GABRB2: variants seen among roughly 807,000 people sequenced by gnomAD.
GABRB2 encodes the protein gamma-aminobutyric acid type A receptor subunit beta2, also known as gamma-aminobutyric acid receptor subunit beta-2.
Under a neutral mutation model 54.7 loss-of-function variants are expected in GABRB2, and 16 were observed. That is an observed-to-expected ratio of 0.29 (90% CI 0.20 to 0.44). GABRB2 has a LOEUF of 0.44. Ranked by LOEUF, GABRB2 falls within the 20% of genes least tolerant of loss-of-function variation. The pLI is 1.00. For missense variants in GABRB2, 355 were observed against 644.0 expected, an observed-to-expected ratio of 0.55 and a Z score of 4.86; for synonymous variants, 244 against 233.8, an observed-to-expected ratio of 1.04 and a Z score of -0.40.
intron 9 of GABRB2, among the ~76,000 whole-genome samples, chr5:161,307,454 G>A (rs1757722306): frequency 6.6e-6 from 1 of 152,178 alleles, no homozygotes; most frequent in Admixed American, 6.6e-5. Flanking sequence ...TTCCAGTGTA[G>A]ATAAGACCAT....
At chr5:161,477,105 T>TA (rs1561664283) in intron 3 of GABRB2, among the ~76,000 whole-genome samples, 2 of 151,776 alleles carry the variant, frequency 1.3e-5, no homozygotes, top group Non-Finnish European at 2.9e-5. Context: ...ACAACGTGAT[T>TA]AAAAAATTGG....
At chr5:161,468,768 T>C (rs1758352227) in intron 3 of GABRB2, among the ~76,000 whole-genome samples, 1 of 151,792 alleles carries the variant, frequency 6.6e-6, no homozygotes, top group Non-Finnish European at 1.5e-5. Flanking sequence ...TATTAAAAGA[T>C]ATGAAAGCAT....
intron 3 of GABRB2, among the ~76,000 whole-genome samples, chr5:161,485,912 T>C (rs1166656594): frequency 6.6e-6 from 1 of 151,860 alleles, no homozygotes; most frequent in African/African-American, 2.4e-5. Context: ...AGCACCTGCC[T>C]GGGAATGAAG....
intron 5 of GABRB2, among the ~76,000 whole-genome samples, chr5:161,400,632 C>T (rs1756156710): frequency 6.6e-6 from 1 of 152,124 alleles, no homozygotes; most frequent in South Asian, 2.1e-4. Flanking sequence ...ATCAAACTCT[C>T]AGTGTCCTGA....
chr5:161,308,296 C>T (rs1757761133), intron 9 of GABRB2, among the ~76,000 whole-genome samples: 1 of 152,152 alleles, frequency 6.6e-6, no homozygotes, highest in Non-Finnish European at 1.5e-5. Flanking sequence ...AGTCTTGGTA[C>T]CTCCCCTCCC....
At chr5:161,520,369 G>C (rs563688409) in intron 3 of GABRB2, among the ~76,000 whole-genome samples, 1 of 152,040 alleles carries the variant, frequency 6.6e-6, no homozygotes, top group East Asian at 1.9e-4. Flanking sequence ...AATGTTTTTT[G>C]CTTTGCTAAT....
intron 3 of GABRB2, among the ~76,000 whole-genome samples, chr5:161,519,023 G>A (rs1407328441): frequency 6.6e-6 from 1 of 152,174 alleles, no homozygotes. Context: ...AGAACAGTAA[G>A]TAGCTTCAGG....
chr5:161,371,171 T>C (rs1232454184), intron 5 of GABRB2, among the ~76,000 whole-genome samples: 4 of 152,144 alleles, frequency 2.6e-5, no homozygotes, highest in Non-Finnish European at 5.9e-5. Flanking sequence ...TACAAGGCTG[T>C]TATTACAAGA....
intron 5 of GABRB2, among the ~76,000 whole-genome samples, chr5:161,343,483 T>C (rs1380304452): frequency 6.6e-6 from 1 of 152,064 alleles, no homozygotes; most frequent in Non-Finnish European, 1.5e-5. Flanking sequence ...ACCATATATC[T>C]ATTAAAATTC....
chr5:161,535,894 A>T (rs1376241821), intron 3 of GABRB2, among the ~76,000 whole-genome samples: 2 of 152,040 alleles, frequency 1.3e-5, no homozygotes, highest in African/African-American at 4.8e-5. Flanking sequence ...TCTGAGGAGT[A>T]AGTTCTCATT....
intron 3 of GABRB2, among the ~76,000 whole-genome samples, chr5:161,502,360 A>G (rs755842930): frequency 2.0e-5 from 3 of 152,178 alleles, no homozygotes; most frequent in Non-Finnish European, 2.9e-5. Context: ...ATTTATTAGA[A>G]TAGATACAAA....
chr5:161,441,374 C>A (rs1757461433), intron 4 of GABRB2, among the ~76,000 whole-genome samples: 2 of 152,132 alleles, frequency 1.3e-5, no homozygotes, highest in Non-Finnish European at 2.9e-5. Context: ...CTCAGATCAT[C>A]AGAGAAATGC....
In GABRB2 at chr5:161,499,637, A is replaced by G. The variant is rs1280048738; in HGVS notation, c.238-39793T>C. On this transcript the variant is annotated intron_variant, in intron 3 of 9. Transcript: ENST00000393959. ...ACCAACTAAACAAAACTAAAATACAACAAAAATAATTGTTCTTCTAATATA... is the reference window on the plus strand; with the variant it reads ...ACCAACTAAACAAAACTAAAATACAGCAAAAATAATTGTTCTTCTAATATA... Among the ~76,000 whole-genome samples the G allele has an allele frequency of 2.6e-5, 4 of 152,338 alleles. No homozygotes were observed. In the South Asian group the frequency reaches 6.2e-4, roughly 24 times the overall value.
At chr5:161,469,224 A>G (rs1472897213) in intron 3 of GABRB2, among the ~76,000 whole-genome samples, 2 of 151,944 alleles carry the variant, frequency 1.3e-5, no homozygotes, top group African/African-American at 2.4e-5. Context: ...GTTGAGTTAA[A>G]TTATAAAACT....
intron 5 of GABRB2, among the ~76,000 whole-genome samples, chr5:161,387,247 T>G (rs919953997): frequency 6.6e-6 from 1 of 152,060 alleles, no homozygotes; most frequent in Non-Finnish European, 1.5e-5. Context: ...TTCCTAACAA[T>G]GTAAGTTAAA....
intron 4 of GABRB2, among the ~76,000 whole-genome samples, chr5:161,455,135 T>G (rs2113249053): frequency 6.6e-6 from 1 of 152,336 alleles, no homozygotes; most frequent in South Asian, 2.1e-4. Flanking sequence ...CATGCTTAAA[T>G]TTCTTGCTAA....
chr5:161,538,952 G>A (rs941715995), intron 3 of GABRB2, among the ~76,000 whole-genome samples: 3 of 152,338 alleles, frequency 2.0e-5, no homozygotes, highest in Admixed American at 2.0e-4. Flanking sequence ...AAATAAGTTT[G>A]TTGAATGAAA....
Position 161,449,821 on chromosome 5 carries a change from C to A in GABRB2, c.458+9803G>T, listed in dbSNP as rs544834864. The stretch of plus-strand genomic sequence containing the variant: ...ACACAATAGCAACAATTTTAAACAT[C>A]TACTGGGAAATACTTTGCTAAAAAA... On this transcript the variant is annotated intron_variant, in intron 4 of 9. Coordinates refer to ENST00000393959, the MANE Select transcript of GABRB2 (RefSeq NM_001371727.1). Among the ~76,000 whole-genome samples the A allele has an allele frequency of 5.9e-5, 9 of 152,004 alleles. No individual in the cohort carries two copies. In the East Asian group the frequency reaches 1.2e-3, roughly 20 times the overall value.
At chr5:161,327,402 T>A (rs1758400062) in intron 8 of GABRB2, among the ~76,000 whole-genome samples, 1 of 152,090 alleles carries the variant, frequency 6.6e-6, no homozygotes, top group South Asian at 2.1e-4. Context: ...TTATTTTATT[T>A]TTTTTTGCCA....
Sources: allele counts gnomAD v4.1 joint callset (sites outside exome capture counted in the v4.1 genomes callset), GRCh38; gene constraint gnomAD v4.1.1; transcripts MANE v1.5; gene names NCBI Gene and HGNC (gene_info 2026-07-23, HGNC 2026-07-21).